The following USP31 variants were observed in gnomAD, a reference collection of about 807,000 sequenced individuals.
USP31 encodes ubiquitin specific peptidase 31, also known as ubiquitin carboxyl-terminal hydrolase 31.
USP31 carries 44 observed loss-of-function variants against 119.4 expected under a neutral mutation model. That is an observed-to-expected ratio of 0.37 (90% CI 0.29 to 0.47). The LOEUF (loss-of-function observed/expected upper bound fraction) is 0.47, where lower values mean the gene tolerates loss of function less well. Ranked by LOEUF, USP31 falls within the 20% of genes least tolerant of loss-of-function variation. The pLI is 0.99. For synonymous variants in USP31, 749 were observed against 705.6 expected (o/e 1.06, Z -0.97); for missense variants, 1,643 against 1,730.2 (o/e 0.95, Z 0.89).
chr16:23,148,983 G>A lies in USP31; in HGVS notation c.288C>T (p.Pro96=), dbSNP rs1476100261. ...DRGGLRSCFP[P]GPAAAPTPPP... is the part of the protein sequence containing the mutation. The stretch of plus-strand genomic sequence containing the variant: ...GCGGCGTGGGCGCGGCGGCCGGCCC[G>A]GGCGGGAAGCAGCTGCGGAGGCCGC... Residue 96 remains proline, a synonymous_variant, in exon 1 of 16, where the codon CCC becomes CCT. Coordinates refer to ENST00000219689, the MANE Select transcript of USP31 (RefSeq NM_020718.4). 3.9e-6 allele frequency: 4 copies of A among 1,035,766 alleles called. No individual in the cohort carries two copies. Among genetic ancestry groups the A allele is most frequent in the Non-Finnish European group, 4.7e-6 (4 of 856,312 alleles). 64.2% of individuals were successfully genotyped at this position (1,035,766 alleles called of 1,614,324 possible).
At position 23,068,331 on chromosome 16, in the gene USP31, A is replaced by G; in HGVS notation, c.3774T>C (p.Ser1258=). 1.9e-6 allele frequency: 3 copies of G among 1,614,164 alleles called. No homozygotes were observed. The highest frequency in any genetic ancestry group is 2.5e-6 in the Non-Finnish European group (3 of 1,180,010). The change falls in exon 16 of 16, where the codon TCT becomes TCC. Residue 1258 remains serine, a synonymous_variant. Transcript: ENST00000219689. ...CGGTGTTCTTACAGACAGACTTAAC[A>G]GAGCTCCCACCAGCCTTTTTAGAGA... The part of the protein sequence containing the change: ...ALLSKKAGGS[S]VKSVCKNTGD...
At chr16:23,095,190 T>C (rs185799563) in intron 6 of USP31, among the ~76,000 whole-genome samples, 3 of 152,282 alleles carry the variant, frequency 2.0e-5, no homozygotes, top group African/African-American at 7.2e-5. Context: ...ATGAGGACTT[T>C]GTGATGCACG....
In USP31 at chr16:23,136,023, C is replaced by CACA. The variant is rs1367319063; in HGVS notation, c.633+12612_633+12614dup. Reference sequence around the variant, plus strand: ...GGACATATAAATCAATGGAATAGAACACAGAGTCAAGATATAAACCCTCGC... The same window carrying CACA: ...GGACATATAAATCAATGGAATAGAACACAACAGAGTCAAGATATAAACCCTCGC... On this transcript the variant is annotated intron_variant, in intron 1 of 15. Coordinates refer to ENST00000219689, the MANE Select transcript of USP31 (RefSeq NM_020718.4). Among the ~76,000 whole-genome samples the CACA allele has an allele frequency of 2.0e-5, 3 of 152,070 alleles. No individual in the cohort carries two copies. The East Asian group carries it at 5.8e-4, about 29-fold the overall frequency.
rs1335863887 is a variant in USP31, at chr16:23,062,845, TTTTA to T, written c.*5197_*5200del. The T allele has an allele frequency of 6.6e-6, 1 of 152,588 alleles. No individual in the cohort carries two copies. The highest frequency in any genetic ancestry group is 1.5e-5 in the Non-Finnish European group (1 of 68,036). 9.5% of individuals were successfully genotyped at this position (152,588 alleles called of 1,614,324 possible). On this transcript the variant is annotated 3_prime_UTR_variant, in exon 16 of 16. Coordinates refer to ENST00000219689, the MANE Select transcript of USP31 (RefSeq NM_020718.4). ...TTTGATATCAGTATCTCTCAATTCT[TTTTA>T]TTCTTATTTTTTCTGCTTCTCCTAC...
intron 13 of USP31, among the ~76,000 whole-genome samples, chr16:23,078,166 G>T (rs1323637044): frequency 6.6e-6 from 1 of 151,916 alleles, no homozygotes; most frequent in Non-Finnish European, 1.5e-5. Context: ...ACAAAAATTA[G>T]CTGGGTGTGG....
intron 1 of USP31, among the ~76,000 whole-genome samples, chr16:23,144,289 A>T (rs1340949447): frequency 1.3e-5 from 2 of 152,228 alleles, no homozygotes; most frequent in Non-Finnish European, 2.9e-5. Context: ...AATTGGTTTT[A>T]TCTCCTCTGC....
intron 1 of USP31, among the ~76,000 whole-genome samples, chr16:23,130,999 G>T (rs571049115): frequency 6.6e-6 from 1 of 152,040 alleles, no homozygotes; most frequent in Non-Finnish European, 1.5e-5. Flanking sequence ...TGGAGTATAC[G>T]CTATACCCGT....
At chr16:23,111,614 G>A (rs143701869) in intron 1 of USP31, among the ~76,000 whole-genome samples, 1 of 152,188 alleles carries the variant, frequency 6.6e-6, no homozygotes, top group Non-Finnish European at 1.5e-5. Context: ...TCAACAGATG[G>A]GGGGTGGTGG....
chr16:23,141,424 G>A (rs1903348804), intron 1 of USP31, among the ~76,000 whole-genome samples: 1 of 150,236 alleles, frequency 6.7e-6, no homozygotes, highest in South Asian at 2.1e-4. Flanking sequence ...CTGTAGCCCA[G>A]GCCAGAGGGC....
At chr16:23,145,720 T>C (rs1055278026) in intron 1 of USP31, among the ~76,000 whole-genome samples, 234 of 152,310 alleles carry the variant, frequency 1.5e-3, no homozygotes, top group African/African-American at 5.4e-3. Flanking sequence ...TCTGAATCCT[T>C]GTTGGGCCCA....
Position 23,087,184 on chromosome 16 carries a change from C to T in USP31, c.1530G>A (p.Val510=). 2 of 1,611,232 alleles carry T rather than the reference C, an allele frequency of 1.2e-6. No individual in the cohort carries two copies. Among genetic ancestry groups the T allele is most frequent in the Non-Finnish European group, 8.5e-7 (1 of 1,179,238 alleles). The change falls in exon 9 of 16, where the codon GTG becomes GTA. Residue 510 remains valine, a splice_region_variant and synonymous_variant. Coordinates refer to ENST00000219689, the MANE Select transcript of USP31 (RefSeq NM_020718.4). ...YFLRPTVCIQ[V]CPFSLRVVSV... ...TGACCACACGCAAGCTGAATGGACA[C>T]ACCTGCATCAGATGTTAGATGAGAA...
intron 1 of USP31, among the ~76,000 whole-genome samples, chr16:23,129,353 CAT>C (rs1001674265): frequency 3.9e-5 from 6 of 151,988 alleles, no homozygotes; most frequent in Admixed American, 6.5e-5. Context: ...TATATGTGTA[CAT>C]ATATATGTGT....
intron 6 of USP31, among the ~76,000 whole-genome samples, chr16:23,096,493 T>C (rs1387546476): frequency 3.9e-5 from 6 of 152,136 alleles, no homozygotes; most frequent in Non-Finnish European, 8.8e-5. Context: ...CAAGCAGACC[T>C]AATAGACATC....
rs1032900421 is a variant in USP31, at chr16:23,065,669, A to G, written c.*2377T>C. On this transcript the variant is annotated 3_prime_UTR_variant, in exon 16 of 16. Transcript: ENST00000219689. Reference sequence around the variant, plus strand: ...GACATTTTATTCCAGATCCCATGGAAAACCAAAGGGATTTGTAGAAACGTT... The same window carrying G: ...GACATTTTATTCCAGATCCCATGGAGAACCAAAGGGATTTGTAGAAACGTT... 6.6e-6 allele frequency: 1 copy of G among 152,600 alleles called. No individual in the cohort carries two copies. Among genetic ancestry groups the G allele is most frequent in the Non-Finnish European group, 1.5e-5 (1 of 68,030 alleles). 9.5% of individuals were successfully genotyped at this position (152,600 alleles called of 1,614,324 possible).
chr16:23,090,840 C>A, intron 6 of USP31, 36 bp from the exon 7 acceptor site: 2 of 1,431,766 alleles, frequency 1.4e-6, no homozygotes, highest in Admixed American at 2.2e-5. Flanking sequence ...TTTATCTCTT[C>A]AAAATTATTT....
At position 23,106,227 on chromosome 16, in the gene USP31, AG is replaced by A; in HGVS notation, c.938del (p.Pro313LeufsTer12). On this transcript the variant is annotated frameshift_variant, in exon 4 of 16. Transcript: ENST00000219689. LOFTEE classifies it high-confidence loss of function. ...DPFLCISLPI[P>X]LPHTRPLYVT... ...TCCATTCTTACCTTGTGTGGGGCAG[AG>A]GAATTGGCAAAGAAATGCAAAGGAA... The A allele has an allele frequency of 6.2e-7, 1 of 1,614,228 alleles. No homozygotes were observed. The highest frequency in any genetic ancestry group is 8.5e-7 in the Non-Finnish European group (1 of 1,180,036).
Position 23,065,950 on chromosome 16 carries a change from G to A in USP31, c.*2096C>T, listed in dbSNP as rs1900049649. 1 of 152,194 alleles carries A rather than the reference G, an allele frequency of 6.6e-6. No individual in the cohort carries two copies. The highest frequency in any genetic ancestry group is 6.5e-5 in the Admixed American group (1 of 15,288). 9.4% of individuals were successfully genotyped at this position (152,194 alleles called of 1,614,324 possible). A position where few individuals can be genotyped will look rare whatever the true frequency, so the allele number is the denominator to read the frequency against. The stretch of plus-strand genomic sequence containing the variant: ...AGTTAGACATTCAATTCCTGATATA[G>A]ATGATCTCTTATTTGGTGCATCTTT... On this transcript the variant is annotated 3_prime_UTR_variant, in exon 16 of 16. Coordinates refer to ENST00000219689, the MANE Select transcript of USP31 (RefSeq NM_020718.4).
chr16:23,111,936 G>A (rs186644680), intron 1 of USP31, among the ~76,000 whole-genome samples: 22 of 152,262 alleles, frequency 1.4e-4, no homozygotes, highest in African/African-American at 4.8e-4. Flanking sequence ...ACAGATTTGC[G>A]ATTTGCATCA....
Position 23,071,982 on chromosome 16 carries a change from G to C in USP31, c.2488+63C>G, listed in dbSNP as rs752283988. The C allele has an allele frequency of 9.7e-6, 15 of 1,548,194 alleles. No homozygotes were observed. In the South Asian group the frequency reaches 1.3e-4, roughly 13 times the overall value. On this transcript the variant is annotated intron_variant, in intron 15 of 15. Transcript: ENST00000219689. Reference sequence around the variant, plus strand: ...GGGACTTAGCTCCTAGGAAAAACACGAGGGACTCTGCTGTGTCTGTGAGTT... The same window carrying C: ...GGGACTTAGCTCCTAGGAAAAACACCAGGGACTCTGCTGTGTCTGTGAGTT...
Sources: gnomAD v4.1 joint callset for allele counts (sites outside exome capture counted in the v4.1 genomes callset) on GRCh38, gnomAD v4.1.1 for gene constraint, MANE v1.5 for transcripts, NCBI Gene and HGNC (gene_info 2026-07-23, HGNC 2026-07-21) for gene names.